Variants in FAM91A1 observed in about 807,000 individuals in gnomAD.
FAM91A1 encodes family with sequence similarity 91 member A1.
Under a neutral mutation model 113.5 loss-of-function variants are expected in FAM91A1, and 41 were observed. That is an observed-to-expected ratio of 0.36 (90% CI 0.28 to 0.47). FAM91A1 has a LOEUF of 0.47. Ranked by LOEUF, FAM91A1 falls within the 20% of genes least tolerant of loss-of-function variation. The pLI is 1.00. For missense variants in FAM91A1, 696 were observed against 1,001.2 expected, an observed-to-expected ratio of 0.70 and a Z score of 4.11; for synonymous variants, 307 against 347.9, an observed-to-expected ratio of 0.88 and a Z score of 1.31.
Position 123,812,567 on chromosome 8 carries a change from T to C in FAM91A1, c.2380T>C (p.Leu794=). 1 of 1,597,346 alleles carries C rather than the reference T, an allele frequency of 6.3e-7. No individual in the cohort carries two copies. Among genetic ancestry groups the C allele is most frequent in the East Asian group, 2.3e-5 (1 of 44,420 alleles). ...DIHTEPSFSS[L]LSQSSCADMG... ...TCACACAGAGCCCAGTTTTTCAAGT[T>C]TGCTTTCACAGTCATCGTGTGCTGA... The change falls in exon 24 of 24, where the codon TTG becomes CTG. Residue 794 remains leucine (L), a synonymous_variant. Coordinates refer to ENST00000334705, the MANE Select transcript of FAM91A1 (RefSeq NM_144963.4).
At chr8:123,782,889 G>A (rs1224183624) in intron 8 of FAM91A1, among the ~76,000 whole-genome samples, 1 of 152,066 alleles carries the variant, frequency 6.6e-6, no homozygotes, top group Non-Finnish European at 1.5e-5. Flanking sequence ...GGGGTAACTG[G>A]CCAAGCACAG....
At chr8:123,802,927 A>G (rs1451921786) in intron 18 of FAM91A1, among the ~76,000 whole-genome samples, 1 of 152,256 alleles carries the variant, frequency 6.6e-6, no homozygotes, top group Non-Finnish European at 1.5e-5. Flanking sequence ...GGAAGATCTC[A>G]GAAAACGTTA....
rs775356852 is a variant in FAM91A1 at position 123,768,777 on chromosome 8, ACG to A, written c.72+4_72+5del. Reference sequence around the variant, plus strand: ...AGTTGCCGGCCAACGTGAGACAGGTACGGCCGGAACCTGGGACCGGGCCCCTG... The same window carrying A: ...AGTTGCCGGCCAACGTGAGACAGGTAGCCGGAACCTGGGACCGGGCCCCTG... On this transcript the variant is annotated splice_donor_5th_base_variant and intron_variant, in intron 1 of 23. Coordinates refer to ENST00000334705, the MANE Select transcript of FAM91A1 (RefSeq NM_144963.4). 27 of 1,610,612 alleles carry A rather than the reference ACG, an allele frequency of 1.7e-5. No homozygotes were observed. The highest frequency in any genetic ancestry group is 2.1e-5 in the Non-Finnish European group (25 of 1,178,502).
At chr8:123,769,200 C>T (rs1209725012) in intron 1 of FAM91A1, among the ~76,000 whole-genome samples, 1 of 152,172 alleles carries the variant, frequency 6.6e-6, no homozygotes, top group Non-Finnish European at 1.5e-5. Flanking sequence ...GAGAAATTAT[C>T]CTGGGAGAGT....
chr8:123,794,945 A>G (rs927974440), intron 15 of FAM91A1, among the ~76,000 whole-genome samples: 2 of 152,390 alleles, frequency 1.3e-5, no homozygotes, highest in Non-Finnish European at 1.5e-5. Flanking sequence ...CTGTTTTTAC[A>G]TCTGTGCCAA....
intron 21 of FAM91A1, chr8:123,808,639 A>G (rs1043002451): frequency 4.4e-5 from 22 of 498,648 alleles, no homozygotes; most frequent in Admixed American, 3.3e-4. Flanking sequence ...TTTTTGGGCA[A>G]ATGACTACTT....
At chr8:123,810,133 A>G (rs1266619143) in intron 22 of FAM91A1, 149 bp from the exon 23 acceptor site, 1 of 698,930 alleles carries the variant, frequency 1.4e-6, no homozygotes, top group Non-Finnish European at 2.3e-6. Context: ...AATTTCATTG[A>G]TGAGAAACAC....
At chr8:123,788,880 A>AT (rs1448097485) in intron 14 of FAM91A1, among the ~76,000 whole-genome samples, 1 of 152,104 alleles carries the variant, frequency 6.6e-6, no homozygotes, top group Non-Finnish European at 1.5e-5. Flanking sequence ...ATTCTTAGCT[A>AT]TTTTTTAAGT....
chr8:123,780,376 C>T, intron 7 of FAM91A1, 104 bp from the exon 8 acceptor site: 2 of 872,130 alleles, frequency 2.3e-6, no homozygotes, highest in Non-Finnish European at 3.6e-6. Flanking sequence ...CGTCACATAG[C>T]ATTCATTTGT....
intron 15 of FAM91A1, 70 bp downstream of exon 15, chr8:123,789,815 A>T: frequency 6.5e-7 from 1 of 1,532,290 alleles, no homozygotes; most frequent in Middle Eastern, 1.8e-4. Context: ...TAAACAGATC[A>T]TGCTCACTTA....
At chr8:123,789,952 A>G (rs1395149567) in intron 15 of FAM91A1, among the ~76,000 whole-genome samples, 1 of 152,128 alleles carries the variant, frequency 6.6e-6, no homozygotes, top group African/African-American at 2.4e-5. Flanking sequence ...TGCCACTAAC[A>G]TTTGTAGTAT....
chr8:123,795,957 C>A (rs1017529862), intron 15 of FAM91A1, among the ~76,000 whole-genome samples: 2 of 152,190 alleles, frequency 1.3e-5, no homozygotes, highest in Admixed American at 1.3e-4. Context: ...GCCTGGGCAA[C>A]AAGAACACTT....
intron 23 of FAM91A1, chr8:123,811,487 A>G (rs1362813808): frequency 6.6e-6 from 1 of 152,218 alleles, no homozygotes; most frequent in Admixed American, 6.5e-5. Context: ...CCTTGGCCAT[A>G]GTGAATTAAT....
At chr8:123,778,360 G>A (rs150028169) in intron 5 of FAM91A1, among the ~76,000 whole-genome samples, 67 of 152,118 alleles carry the variant, frequency 4.4e-4, no homozygotes, top group African/African-American at 1.5e-3. Context: ...AGTTCACTTA[G>A]TGGGTGAAAA....
chr8:123,812,604 C>T lies in FAM91A1; in HGVS notation c.2417C>T (p.Pro806Leu), dbSNP rs1183962296. The T allele has an allele frequency of 3.1e-6, 5 of 1,611,484 alleles. No homozygotes were observed. Among genetic ancestry groups the T allele is most frequent in the Non-Finnish European group, 4.2e-6 (5 of 1,178,916 alleles). ...TCATCGTGTGCTGACATGGGTGTTC[C>T]ACTTCCTGCAAAAAACTTAATATTT... is the stretch of plus-strand genomic sequence containing the variant. ...SQSSCADMGV[P>L]LPAKNLIFKD... The change falls in exon 24 of 24, where the codon CCA becomes CTA. Residue 806 changes from proline (P) to leucine (L), a missense_variant. Pro to Leu is a moderately conservative substitution (Grantham distance 98). Transcript: ENST00000334705.
chr8:123,784,826 A>G (rs1238564048), intron 9 of FAM91A1: 1 of 416,598 alleles, frequency 2.4e-6, no homozygotes, highest in African/African-American at 2.1e-5. Context: ...ATATTGATCT[A>G]TCCAGGAATT....
intron 15 of FAM91A1, among the ~76,000 whole-genome samples, chr8:123,793,217 A>C (rs991017770): frequency 7.9e-5 from 12 of 152,106 alleles, no homozygotes; most frequent in Non-Finnish European, 1.6e-4. Context: ...TGATTTTTCC[A>C]CTGTATAGTC....
At chr8:123,799,679 T>G in intron 17 of FAM91A1, 25 bp downstream of exon 17, 1 of 1,612,848 alleles carries the variant, frequency 6.2e-7, no homozygotes, top group Non-Finnish European at 8.5e-7. Context: ...TTTGGGTGGT[T>G]TTTTTATGTG....
chr8:123,805,301 A>C lies in FAM91A1; in HGVS notation c.1844A>C (p.His615Pro). ...CTGCATGGGATAGGAGAAACTGTCC[A>C]TGTCCCATTTCCATTTGATGAAACA... is the stretch of plus-strand genomic sequence containing the variant. ...HGLHGIGETV[H>P]VPFPFDETEL... The change falls in exon 19 of 24, where the codon CAT (histidine) becomes CCT (proline). Residue 615 changes from histidine to proline, a missense_variant. His to Pro is a moderately conservative substitution (Grantham distance 77). Transcript: ENST00000334705. 1 of 1,612,110 alleles carries C rather than the reference A, an allele frequency of 6.2e-7. No individual in the cohort carries two copies. The highest frequency in any genetic ancestry group is 8.5e-7 in the Non-Finnish European group (1 of 1,179,466).
Sources: gnomAD v4.1 joint callset for allele counts (sites outside exome capture counted in the v4.1 genomes callset) on GRCh38, gnomAD v4.1.1 for gene constraint, MANE v1.5 for transcripts, NCBI Gene and HGNC (gene_info 2026-07-23, HGNC 2026-07-21) for gene names.